NR4A2: variants seen among roughly 807,000 people sequenced by gnomAD.
NR4A2 encodes the protein NGFI-B/nur77 beta-type transcription factor homolog.
In NR4A2, 1 loss-of-function variant was observed where a neutral mutation model predicts 50.5. The observed-to-expected ratio is 0.02, with a 90% CI of 0.01 to 0.09. The LOEUF (loss-of-function observed/expected upper bound fraction) is 0.09. Among genes scored for constraint, NR4A2 ranks in the 10% least tolerant of loss-of-function variants. The pLI, the probability that NR4A2 is intolerant of heterozygous loss-of-function variation, is 1.00. For missense variants in NR4A2, 613 were observed against 777.3 expected (o/e 0.79, Z 2.51); for synonymous variants, 328 against 309.4 (o/e 1.06, Z -0.63).
At position 156,325,841 on chromosome 2, in the gene NR4A2, G is replaced by A; in HGVS notation, c.1700C>T (p.Thr567Ile). The part of the protein sequence containing the change: ...GKLPELRTLC[T>I]QGLQRIFYLK... ...GTAGAAAATGCGCTGTAGCCCCTGT[G>A]TGCAAAGGGTACGAAGTTCTGGGAG... Residue 567 changes from threonine (T) to isoleucine (I), a missense_variant, in exon 8 of 8, where the codon ACA becomes ATA. Physicochemically the swap from Thr to Ile is moderately conservative, Grantham distance 89. Around this residue, in one of 4 missense-constraint regions of NR4A2, gnomAD observed 250 missense variants for 311.3 expected, o/e 0.80. Coordinates refer to ENST00000339562, the MANE Select transcript of NR4A2 (RefSeq NM_006186.4). 4 of 1,614,222 alleles carry A rather than the reference G, an allele frequency of 2.5e-6. No homozygotes were observed. The highest frequency in any genetic ancestry group is 3.4e-6 in the Non-Finnish European group (4 of 1,180,046).
At position 156,330,663 on chromosome 2, in the gene NR4A2, C is replaced by G; in HGVS notation, c.-3+5G>C. 2.3e-6 allele frequency: 3 copies of G among 1,285,474 alleles called. No homozygotes were observed. In the South Asian group the frequency reaches 9.1e-5, roughly 39 times the overall value. 79.6% of individuals were successfully genotyped at this position (1,285,474 alleles called of 1,614,324 possible). Reference sequence around the variant, plus strand: ...AGTAAAGGAAAGAAATGAAGTTGCACTAACCTTCAGCCGAGTTACAGGCGT... The same window carrying G: ...AGTAAAGGAAAGAAATGAAGTTGCAGTAACCTTCAGCCGAGTTACAGGCGT... On this transcript the variant is annotated splice_donor_5th_base_variant and intron_variant, in intron 2 of 7. Transcript: ENST00000339562.
rs1326337203 is a variant in NR4A2 at position 156,329,589 on chromosome 2, C to G, written c.598G>C (p.Val200Leu). Residue 200 changes from valine to leucine, a missense_variant, in exon 3 of 8, where the codon GTC becomes CTC. Coordinates refer to ENST00000339562, the MANE Select transcript of NR4A2 (RefSeq NM_006186.4). This position sits in a 1 kb window ranked among gnomAD's most constrained non-coding sequence, Gnocchi z 7.5. ...CQMRFDGPLH[V>L]PMNPEPAGSH... ...CCGGCGGGCTCCGGGTTCATGGGGA[C>G]GTGCAGGGGCCCGTCGAAGCGCATC... The G allele has an allele frequency of 6.2e-7, 1 of 1,605,488 alleles. No homozygotes were observed. The highest frequency in any genetic ancestry group is 1.7e-5 in the Admixed American group (1 of 59,798).
Position 156,325,461 on chromosome 2 carries a change from A to G in NR4A2, c.*283T>C. 2.3e-6 allele frequency: 1 copy of G among 442,170 alleles called. No individual in the cohort carries two copies. The highest frequency in any genetic ancestry group is 4.2e-6 in the Non-Finnish European group (1 of 238,770). 27.4% of individuals were successfully genotyped at this position (442,170 alleles called of 1,614,324 possible). On this transcript the variant is annotated 3_prime_UTR_variant, in exon 8 of 8. Coordinates refer to ENST00000339562, the MANE Select transcript of NR4A2 (RefSeq NM_006186.4). ...CAACAAACTGATTTTTAAACTGAGA[A>G]TAAAAAGTTTATACCACTGTATTGT...
chr2:156,326,126 G>A lies in NR4A2; in HGVS notation c.1540+24C>T. 2 of 1,614,074 alleles carry A rather than the reference G, an allele frequency of 1.2e-6. No individual in the cohort carries two copies. The highest frequency in any genetic ancestry group is 1.7e-6 in the Non-Finnish European group (2 of 1,179,954). On this transcript the variant is annotated intron_variant, in intron 7 of 7. Transcript: ENST00000339562. The surrounding 1 kb of genome is among the most constrained non-coding windows in gnomAD (Gnocchi z 4.2). ...CCTGCTAGGCAGTTCTGGAGGGGAAGCGCCCTGCGCCTGCAGTACTGACCT... is the reference window on the plus strand; with the variant it reads ...CCTGCTAGGCAGTTCTGGAGGGGAAACGCCCTGCGCCTGCAGTACTGACCT...
At position 156,326,395 on chromosome 2, in the gene NR4A2, T is replaced by C; in HGVS notation, c.1362-67A>G. The C allele has an allele frequency of 2.9e-6, 4 of 1,399,316 alleles. No individual in the cohort carries two copies. The South Asian group carries it at 4.6e-5, about 16-fold the overall frequency. The allele number at this position is 1,399,316 out of a possible 1,614,324, so 86.7% of individuals were successfully genotyped here. A position where few individuals can be genotyped will look rare whatever the true frequency, so the allele number is the denominator to read the frequency against. ...AGAGAAAAGCTAAACAACTAATTAC[T>C]TGAAGAGCAATAAATGAGGGATTTA... On this transcript the variant is annotated intron_variant, in intron 6 of 7. Coordinates refer to ENST00000339562, the MANE Select transcript of NR4A2 (RefSeq NM_006186.4). This position sits in a 1 kb window ranked among gnomAD's most constrained non-coding sequence, Gnocchi z 4.2.
At position 156,330,136 on chromosome 2, in the gene NR4A2, G is replaced by A. The variant is rs1455472568; in HGVS notation, c.51C>T (p.Pro17=). The part of the protein sequence containing the change: ...QYGSSPQGAS[P]ASQSYSYHSS... ...AGTGGTAACTGTAGCTCTGAGAAGC[G>A]GGGCTGGCTCCTTGAGGCGAGGACC... Residue 17 remains proline (P), a synonymous_variant, in exon 3 of 8, where the codon CCC becomes CCT. Coordinates refer to ENST00000339562, the MANE Select transcript of NR4A2 (RefSeq NM_006186.4). 3.1e-6 allele frequency: 5 copies of A among 1,614,036 alleles called. No homozygotes were observed. The highest frequency in any genetic ancestry group is 2.2e-5 in the East Asian group (1 of 44,892).
In NR4A2 at chr2:156,328,273, C is replaced by T. The variant is rs2105604298; in HGVS notation, c.994+131G>A. The T allele has an allele frequency of 1.4e-6, 2 of 1,461,814 alleles. No individual in the cohort carries two copies. The highest frequency in any genetic ancestry group is 4.6e-5 in the East Asian group (2 of 43,728). 90.6% of individuals were successfully genotyped at this position (1,461,814 alleles called of 1,614,324 possible). Reference sequence around the variant, plus strand: ...GGAAGGCCGGGCAAGCAGGCAGCTGCAGGGTCCTGGAGGCCATACTGAGGG... The same window carrying T: ...GGAAGGCCGGGCAAGCAGGCAGCTGTAGGGTCCTGGAGGCCATACTGAGGG... On this transcript the variant is annotated intron_variant, in intron 4 of 7. Transcript: ENST00000339562. The surrounding 1 kb of genome is among the most constrained non-coding windows in gnomAD (Gnocchi z 4.9).
At chr2:156,330,917 C>A (rs1417827950) in intron 1 of NR4A2, 126 bp from the exon 2 acceptor site, 2 of 775,092 alleles carry the variant, frequency 2.6e-6, no homozygotes, top group East Asian at 3.4e-5. Context: ...GAGTGGGAAG[C>A]CTTTACCAAA....
Position 156,328,340 on chromosome 2 carries a change from TG to T in NR4A2, c.994+63del. 1 of 1,612,414 alleles carries T rather than the reference TG, an allele frequency of 6.2e-7. No homozygotes were observed. Among genetic ancestry groups the T allele is most frequent in the Non-Finnish European group, 8.5e-7 (1 of 1,178,848 alleles). ...AGCACCGGGAAGTGGAACGTGATGCTGGAGTATGAGCAGTGGTTTCCTAAAG... is the reference window on the plus strand; with the variant it reads ...AGCACCGGGAAGTGGAACGTGATGCTGAGTATGAGCAGTGGTTTCCTAAAG... On this transcript the variant is annotated intron_variant, in intron 4 of 7. Transcript: ENST00000339562. The surrounding 1 kb of genome is among the most constrained non-coding windows in gnomAD (Gnocchi z 4.9).
At chr2:156,331,421 C>T (rs1349161842) in intron 1 of NR4A2, among the ~76,000 whole-genome samples, 1 of 152,174 alleles carries the variant, frequency 6.6e-6, no homozygotes, top group Non-Finnish European at 1.5e-5. Context: ...CTTTCAGCAT[C>T]TTTAATGGTC....
rs1439099589 is a variant in NR4A2 at position 156,326,269 on chromosome 2, T to A, written c.1421A>T (p.Gln474Leu). Residue 474 changes from glutamine to leucine, a missense_variant, in exon 7 of 8, where the codon CAA (glutamine) becomes CTA (leucine). Gln to Leu is a moderately radical substitution (Grantham distance 113). This residue lies in a region of NR4A2 where 250 missense variants were observed against 311.3 expected (regional missense o/e 0.80). Coordinates refer to ENST00000339562, the MANE Select transcript of NR4A2 (RefSeq NM_006186.4). The surrounding 1 kb of genome is among the most constrained non-coding windows in gnomAD (Gnocchi z 4.2). Reference sequence around the variant, plus strand: ...CCATTCCCCAAAGCCACGAACGCATTGCAACCTGTGCAAGACCACCCCATT... The same window carrying A: ...CCATTCCCCAAAGCCACGAACGCATAGCAACCTGTGCAAGACCACCCCATT... ...FCNGVVLHRLQCVRGFGEWID... is the reference protein window; with the variant it reads ...FCNGVVLHRLLCVRGFGEWID... The A allele has an allele frequency of 6.2e-7, 1 of 1,614,202 alleles. No individual in the cohort carries two copies. Among genetic ancestry groups the A allele is most frequent in the Non-Finnish European group, 8.5e-7 (1 of 1,180,040 alleles).
At position 156,328,326 on chromosome 2, in the gene NR4A2, G is replaced by A; in HGVS notation, c.994+78C>T. On this transcript the variant is annotated intron_variant, in intron 4 of 7. Transcript: ENST00000339562. This position sits in a 1 kb window ranked among gnomAD's most constrained non-coding sequence, Gnocchi z 4.9. ...AGTCGGAGATCCCCAGCACCGGGAA[G>A]TGGAACGTGATGCTGGAGTATGAGC... The A allele has an allele frequency of 6.2e-7, 1 of 1,604,942 alleles. No individual in the cohort carries two copies. Among genetic ancestry groups the A allele is most frequent in the Non-Finnish European group, 8.5e-7 (1 of 1,172,502 alleles).
Position 156,329,706 on chromosome 2 carries a change from G to A in NR4A2, c.481C>T (p.His161Tyr). 6.2e-7 allele frequency: 1 copy of A among 1,614,092 alleles called. No homozygotes were observed. The highest frequency in any genetic ancestry group is 8.5e-7 in the Non-Finnish European group (1 of 1,179,974). ...NFHQNYVATT[H>Y]MIEQRKTPVS... ...GGCGTTTTCCTCTGCTCGATCATGT[G>A]CGTAGTGGCCACGTAGTTCTGGTGG... The change falls in exon 3 of 8, where the codon CAC becomes TAC. Residue 161 changes from histidine (H) to tyrosine (Y), a missense_variant. This residue lies in a region of NR4A2 where 275 missense variants were observed against 248.9 expected (regional missense o/e 1.10). Transcript: ENST00000339562. The surrounding 1 kb of genome is among the most constrained non-coding windows in gnomAD (Gnocchi z 7.5).
chr2:156,326,582 T>C lies in NR4A2; in HGVS notation c.1361+136A>G, dbSNP rs1372567018. On this transcript the variant is annotated intron_variant, in intron 6 of 7. Coordinates refer to ENST00000339562, the MANE Select transcript of NR4A2 (RefSeq NM_006186.4). The surrounding 1 kb of genome is among the most constrained non-coding windows in gnomAD (Gnocchi z 4.2). ...CGTCTTTTTTTGTTTTCTTTCTTTTTCTTCCTTTCTCCGACTTCCATTTCC... is the reference window on the plus strand; with the variant it reads ...CGTCTTTTTTTGTTTTCTTTCTTTTCCTTCCTTTCTCCGACTTCCATTTCC... 2.7e-6 allele frequency: 3 copies of C among 1,108,872 alleles called. No individual in the cohort carries two copies. The Admixed American group carries it at 6.0e-5, about 22-fold the overall frequency. The allele number at this position is 1,108,872 out of a possible 1,614,324, so 68.7% of individuals were successfully genotyped here. A position where few individuals can be genotyped will look rare whatever the true frequency, so the allele number is the denominator to read the frequency against.
In NR4A2 at chr2:156,329,395, A is replaced by T; in HGVS notation, c.792T>A (p.Ala264=). The T allele has an allele frequency of 6.2e-7, 1 of 1,611,894 alleles. No individual in the cohort carries two copies. The highest frequency in any genetic ancestry group is 8.5e-7 in the Non-Finnish European group (1 of 1,179,576). Residue 264 remains alanine (A), a synonymous_variant, in exon 3 of 8, where the codon GCT becomes GCA. Transcript: ENST00000339562. This position sits in a 1 kb window ranked among gnomAD's most constrained non-coding sequence, Gnocchi z 7.5. ...GGCAGGCCGCGTTGTCCCCACACAC[A>T]GCGCACAGCCCCTCGTTGGAGGGGG... ...RGSPSNEGLC[A]VCGDNAACQH... is the part of the protein sequence containing the mutation.
rs1686746995 is a variant in NR4A2, at chr2:156,328,263, C to A, written c.994+141G>T. 1.4e-6 allele frequency: 2 copies of A among 1,397,002 alleles called. No homozygotes were observed. The highest frequency in any genetic ancestry group is 1.8e-5 in the Admixed American group (1 of 56,442). The allele number at this position is 1,397,002 out of a possible 1,614,324, so 86.5% of individuals were successfully genotyped here. A position where few individuals can be genotyped will look rare whatever the true frequency, so the allele number is the denominator to read the frequency against. On this transcript the variant is annotated intron_variant, in intron 4 of 7. Transcript: ENST00000339562. This position sits in a 1 kb window ranked among gnomAD's most constrained non-coding sequence, Gnocchi z 4.9. Reference sequence around the variant, plus strand: ...CTTTCTCTAGGGAAGGCCGGGCAAGCAGGCAGCTGCAGGGTCCTGGAGGCC... The same window carrying A: ...CTTTCTCTAGGGAAGGCCGGGCAAGAAGGCAGCTGCAGGGTCCTGGAGGCC...
intron 1 of NR4A2, 45 bp downstream of exon 1, chr2:156,332,435 A>C: frequency 7.8e-7 from 1 of 1,277,480 alleles, no homozygotes; most frequent in Non-Finnish European, 1.0e-6. Flanking sequence ...CAAAAGAAGG[A>C]AAAAGCATAA....
In NR4A2 at chr2:156,329,683, C is replaced by T. The variant is rs755153632; in HGVS notation, c.504G>A (p.Thr168=). The change falls in exon 3 of 8, where the codon ACG becomes ACA. Residue 168 remains threonine (T), a synonymous_variant. Transcript: ENST00000339562. The surrounding 1 kb of genome is among the most constrained non-coding windows in gnomAD (Gnocchi z 7.5). ...AGAAGAGGGAGAGGCGGGAGACTGG[C>T]GTTTTCCTCTGCTCGATCATGTGCG... The part of the protein sequence containing the change: ...ATTHMIEQRK[T]PVSRLSLFSF... 5 of 1,613,732 alleles carry T rather than the reference C, an allele frequency of 3.1e-6. No individual in the cohort carries two copies. In the South Asian group the frequency reaches 4.4e-5, roughly 14 times the overall value.
rs1419125546 is a variant in NR4A2 at position 156,328,152 on chromosome 2, C to T, written c.995-138G>A. 1 of 1,210,196 alleles carries T rather than the reference C, an allele frequency of 8.3e-7. No homozygotes were observed. The highest frequency in any genetic ancestry group is 2.5e-5 in the East Asian group (1 of 39,386). 75.0% of individuals were successfully genotyped at this position (1,210,196 alleles called of 1,614,324 possible). On this transcript the variant is annotated intron_variant, in intron 4 of 7. Transcript: ENST00000339562. The surrounding 1 kb of genome is among the most constrained non-coding windows in gnomAD (Gnocchi z 4.9). ...GGCCCCAGTGCTTGTAAAGCCTTCA[C>T]TGACTAGAAGCATTAAAAAATGCGG...
Sources: gnomAD v4.1 joint callset for allele counts (sites outside exome capture counted in the v4.1 genomes callset) on GRCh38, gnomAD v4.1.1 for gene constraint, gnomAD v4.1.1 regional missense constraint, Gnocchi (gnomAD v3.1) non-coding constraint, MANE v1.5 for transcripts, NCBI Gene and HGNC (gene_info 2026-07-23, HGNC 2026-07-21) for gene names.